The following MIGA1 variants were observed in gnomAD, a reference collection of about 807,000 sequenced individuals.
The protein encoded by MIGA1 is mitoguardin 1.
A neutral mutation model predicts 82.0 loss-of-function variants in MIGA1; 58 were observed. That is an observed-to-expected ratio of 0.71 (90% CI 0.57 to 0.88). The LOEUF (loss-of-function observed/expected upper bound fraction) is 0.88, where lower values mean the gene tolerates loss of function less well. MIGA1 is among the 40% of genes least tolerant of loss of function. MIGA1 has a pLI of 0.00. For synonymous variants in MIGA1, 249 were observed against 253.6 expected (o/e 0.98, Z 0.17); for missense variants, 751 against 749.1 (o/e 1.00, Z -0.03).
chr1:77,799,058 A>T (rs1209830070), intron 2 of MIGA1, among the ~76,000 whole-genome samples: 1 of 152,066 alleles, frequency 6.6e-6, no homozygotes, highest in Non-Finnish European at 1.5e-5. Context: ...GATGTATACC[A>T]CTTGGTTATT....
chr1:77,810,899 G>A (rs2101788212), intron 5 of MIGA1: 1 of 1,611,926 alleles, frequency 6.2e-7, no homozygotes, highest in South Asian at 1.1e-5. Context: ...TGAAGATAAA[G>A]TGGTTTCTTG....
chr1:77,799,796 T>C (rs1178780309), intron 2 of MIGA1, among the ~76,000 whole-genome samples: 1 of 151,940 alleles, frequency 6.6e-6, no homozygotes, highest in Non-Finnish European at 1.5e-5. Flanking sequence ...TGGTAATTTG[T>C]GTCATTCTTG....
chr1:77,853,066 C>T (rs75248224), intron 8 of MIGA1, among the ~76,000 whole-genome samples: 4 of 152,336 alleles, frequency 2.6e-5, no homozygotes, highest in African/African-American at 9.6e-5. Flanking sequence ...TAGCACAGCA[C>T]TGGCTGCATG....
Position 77,851,651 on chromosome 1 carries a change from A to C in MIGA1, c.997-7287A>C, listed in dbSNP as rs537201414. On this transcript the variant is annotated intron_variant, in intron 8 of 15. Coordinates refer to ENST00000370791, the MANE Select transcript of MIGA1 (RefSeq NM_198549.4). ...CTGGCATTGTCTCTGAAGAGTCAATAATGTTAGCTAGTATCAAATCTTCAA... is the reference window on the plus strand; with the variant it reads ...CTGGCATTGTCTCTGAAGAGTCAATCATGTTAGCTAGTATCAAATCTTCAA... 3.3e-5 allele frequency among the ~76,000 whole-genome samples: 5 copies of C among 152,302 alleles called. No homozygotes were observed. The South Asian group carries it at 1.0e-3, about 32-fold the overall frequency.
At chr1:77,811,364 C>T (rs551389421) in intron 5 of MIGA1, 1 of 1,607,178 alleles carries the variant, frequency 6.2e-7, no homozygotes, top group Non-Finnish European at 8.5e-7. Flanking sequence ...CCTGCTCCAG[C>T]ACCACCCTCT....
chr1:77,815,760 A>G (rs991814990), intron 7 of MIGA1, among the ~76,000 whole-genome samples: 3 of 152,006 alleles, frequency 2.0e-5, no homozygotes, highest in African/African-American at 7.2e-5. Flanking sequence ...TTGAGACAGG[A>G]TATCTGTTGC....
intron 7 of MIGA1, among the ~76,000 whole-genome samples, chr1:77,836,510 G>T (rs1280461923): frequency 6.6e-6 from 1 of 152,148 alleles, no homozygotes; most frequent in Non-Finnish European, 1.5e-5. Flanking sequence ...GAAACAGGAG[G>T]AACCAGAGGC....
intron 8 of MIGA1, chr1:77,847,669 A>G: frequency 1.9e-6 from 3 of 1,570,134 alleles, no homozygotes; most frequent in South Asian, 2.2e-5. Context: ...AAGCAGAAAG[A>G]TCTCAGTGGA....
At chr1:77,796,227 T>A (rs1370008249) in intron 2 of MIGA1, among the ~76,000 whole-genome samples, 1 of 151,600 alleles carries the variant, frequency 6.6e-6, no homozygotes, top group Non-Finnish European at 1.5e-5. Context: ...CACGCCATTC[T>A]CCTGCCTCAG....
intron 6 of MIGA1, among the ~76,000 whole-genome samples, chr1:77,814,487 C>T (rs1169292271): frequency 6.6e-6 from 1 of 152,118 alleles, no homozygotes; most frequent in Non-Finnish European, 1.5e-5. Flanking sequence ...CCCCAGAACT[C>T]CTGGGCTCAA....
intron 7 of MIGA1, among the ~76,000 whole-genome samples, chr1:77,825,476 T>C (rs1330066374): frequency 3.9e-5 from 6 of 152,342 alleles, no homozygotes; most frequent in African/African-American, 1.4e-4. Context: ...TTTATCTACA[T>C]GTTGGATGCC....
chr1:77,878,837 TC>T lies in MIGA1; in HGVS notation c.*3775del, dbSNP rs1324862584. 8 of 380,918 alleles carry T rather than the reference TC, an allele frequency of 2.1e-5. No homozygotes were observed. Among genetic ancestry groups the T allele is most frequent in the African/African-American group, 1.7e-4 (8 of 48,338 alleles). 23.6% of individuals were successfully genotyped at this position (380,918 alleles called of 1,614,324 possible). On this transcript the variant is annotated 3_prime_UTR_variant, in exon 16 of 16. Transcript: ENST00000370791. The stretch of plus-strand genomic sequence containing the variant: ...AGTTTTCCATACTGTCACAGTAAGC[TC>T]CAAAGAACTTTGTCTTTCTCATAAA...
chr1:77,863,819 C>T, intron 12 of MIGA1, 75 bp from the exon 13 acceptor site: 2 of 1,100,750 alleles, frequency 1.8e-6, no homozygotes, highest in South Asian at 1.9e-5. Flanking sequence ...GTTATAAAAC[C>T]ATAAAGCCCT....
intron 2 of MIGA1, among the ~76,000 whole-genome samples, chr1:77,800,088 G>A (rs891522963): frequency 6.6e-6 from 1 of 152,064 alleles, no homozygotes; most frequent in African/African-American, 2.4e-5. Context: ...CTTTAATGGG[G>A]ATAGAGGAGA....
intron 7 of MIGA1, among the ~76,000 whole-genome samples, chr1:77,821,377 T>G (rs1391727493): frequency 6.6e-6 from 1 of 152,000 alleles, no homozygotes; most frequent in Non-Finnish European, 1.5e-5. Context: ...TCTGAATTGT[T>G]AAATAGTTTT....
At position 77,788,089 on chromosome 1, in the gene MIGA1, G is replaced by A. The variant is rs553215319; in HGVS notation, c.195+4738G>A. ...GCAACCTCCGCTCACTGCAACCTCC[G>A]CCTCCTGGGTTCAAGCAATTCTTCT... On this transcript the variant is annotated intron_variant, in intron 2 of 15. Transcript: ENST00000370791. Among the ~76,000 whole-genome samples the A allele has an allele frequency of 6.6e-5, 10 of 152,222 alleles. No homozygotes were observed. In the South Asian group the frequency reaches 1.5e-3, roughly 22 times the overall value.
chr1:77,838,949 A>G (rs1436382111), intron 7 of MIGA1, among the ~76,000 whole-genome samples: 3 of 152,140 alleles, frequency 2.0e-5, no homozygotes, highest in Admixed American at 6.6e-5. Flanking sequence ...GTAGTATTTC[A>G]TTGTATGAAT....
At chr1:77,811,836 G>T in intron 5 of MIGA1, 1 of 1,451,466 alleles carries the variant, frequency 6.9e-7, no homozygotes, top group Non-Finnish European at 9.2e-7. Flanking sequence ...CCGGGTTCTA[G>T]GGCGCCATCC....
At chr1:77,792,439 A>G (rs1261659658) in intron 2 of MIGA1, among the ~76,000 whole-genome samples, 1 of 152,198 alleles carries the variant, frequency 6.6e-6, no homozygotes, top group African/African-American at 2.4e-5. Flanking sequence ...TGCATGGTGC[A>G]AGGGAGTGTC....
Sources: allele counts gnomAD v4.1 joint callset (sites outside exome capture counted in the v4.1 genomes callset), GRCh38; gene constraint gnomAD v4.1.1; transcripts MANE v1.5; gene names NCBI Gene and HGNC (gene_info 2026-07-23, HGNC 2026-07-21).